The following GANAB variants were observed in gnomAD, a reference collection of about 807,000 sequenced individuals.
GANAB encodes the protein neutral alpha-glucosidase AB.
Under a neutral mutation model 129.9 loss-of-function variants are expected in GANAB, and 35 were observed. The ratio of observed to expected loss-of-function variants is 0.27; its 90% CI spans 0.21 to 0.36. GANAB has a LOEUF of 0.36. Among genes scored for constraint, GANAB ranks in the 10% least tolerant of loss-of-function variants. GANAB has a pLI of 1.00. For missense variants in GANAB, 939 were observed against 1,221.0 expected, an observed-to-expected ratio of 0.77 and a Z score of 3.44; for synonymous variants, 482 against 451.8, an observed-to-expected ratio of 1.07 and a Z score of -0.85.
rs1943600832 is a variant in GANAB at position 62,630,221 on chromosome 11, G to A, written c.1569C>T (p.Asn523=). 3 of 1,612,804 alleles carry A rather than the reference G, an allele frequency of 1.9e-6. No homozygotes were observed. The South Asian group carries it at 3.3e-5, about 18-fold the overall frequency. ...CCTCATAATTGTCATAGCTGAACAT[G>A]TTAGCCCACCAGGCCCTCATCGTGG... The part of the protein sequence containing the change: ...TNPTMRAWWA[N]MFSYDNYEGS... Residue 523 remains asparagine (N), a synonymous_variant, in exon 13 of 24, where the codon AAC becomes AAT. Coordinates refer to ENST00000356638, the MANE Select transcript of GANAB (RefSeq NM_198334.3).
At chr11:62,638,205 G>A (rs1256201050) in intron 4 of GANAB, among the ~76,000 whole-genome samples, 2 of 152,182 alleles carry the variant, frequency 1.3e-5, no homozygotes, top group African/African-American at 4.8e-5. Context: ...CCAGGCTGTA[G>A]TGCAGTGACA....
rs992532155 is a variant in GANAB, at chr11:62,632,940, ATCT to A, written c.815+62_815+64del. On this transcript the variant is annotated intron_variant, in intron 8 of 23. Transcript: ENST00000356638. ...CCTAGAGTATCCAATATGCACACCCATCTCCCTAAAGGCCTGACTCCTTCCTGC... is the reference window on the plus strand; with the variant it reads ...CCTAGAGTATCCAATATGCACACCCACCCTAAAGGCCTGACTCCTTCCTGC... The A allele has an allele frequency of 1.3e-5, 13 of 1,039,932 alleles. No individual in the cohort carries two copies. In the African/African-American group the frequency reaches 2.0e-4, roughly 16 times the overall value. The allele number at this position is 1,039,932 out of a possible 1,614,324, so 64.4% of individuals were successfully genotyped here.
rs915826730 is a variant in GANAB, at chr11:62,634,823, G to A, written c.558C>T (p.Val186=). The change falls in exon 5 of 24, where the codon GTC becomes GTT. Residue 186 remains valine, a splice_region_variant and synonymous_variant. Transcript: ENST00000356638. ...GCAGTCCCAACCCCTGTACTCACGA[G>A]ACCCTAGGGGCCCTCTGATGCTCAA... ...LEFEHQRAPR[V]SQGSKDPAEG... is the part of the protein sequence containing the mutation. 2 of 1,612,590 alleles carry A rather than the reference G, an allele frequency of 1.2e-6. No individual in the cohort carries two copies. The highest frequency in any genetic ancestry group is 2.7e-5 in the African/African-American group (2 of 74,852).
chr11:62,639,566 G>T, intron 2 of GANAB, 61 bp downstream of exon 2: 4 of 1,450,640 alleles, frequency 2.8e-6, no homozygotes, highest in South Asian at 2.3e-5. Context: ...ATCTGCCACA[G>T]ATATCTCCCA....
At position 62,629,235 on chromosome 11, in the gene GANAB, A is replaced by T; in HGVS notation, c.1895T>A (p.Met632Lys). Residue 632 changes from methionine (M) to lysine (K), a missense_variant, in exon 16 of 24, where the codon ATG (methionine) becomes AAG (lysine). Physicochemically the swap from Met to Lys is moderately conservative, Grantham distance 95 (BLOSUM62 -1). Around this residue, in one of 5 missense-constraint regions of GANAB, gnomAD observed 147 missense variants for 282.4 expected, o/e 0.52. Transcript: ENST00000356638. ...TCCCACCAGCCCCAAGCTGAGACAC[A>T]TAGGAATAGAGATCTTCAAATGGTC... Reference protein sequence around the residue: ...EWDHLKISIPMCLSLGLVGLS... With the variant: ...EWDHLKISIPKCLSLGLVGLS... 1 of 1,613,498 alleles carries T rather than the reference A, an allele frequency of 6.2e-7. No homozygotes were observed. Among genetic ancestry groups the T allele is most frequent in the Non-Finnish European group, 8.5e-7 (1 of 1,179,494 alleles).
rs921091711 is a variant in GANAB, at chr11:62,634,833, G to A, written c.548C>T (p.Ala183Val). 1.4e-5 allele frequency: 23 copies of A among 1,613,424 alleles called. No homozygotes were observed. In the Admixed American group the frequency reaches 2.7e-4, roughly 19 times the overall value. Residue 183 changes from alanine (A) to valine (V), a missense_variant, in exon 5 of 24, where the codon GCC (alanine) becomes GTC (valine). Ala to Val is a moderately conservative substitution (Grantham distance 64). This residue lies in a region of GANAB where 321 missense variants were observed against 329.1 expected (regional missense o/e 0.98). Transcript: ENST00000356638. ...CCCCTGTACTCACGAGACCCTAGGG[G>A]CCCTCTGATGCTCAAACTCCAAGAG... ...RGLLEFEHQR[A>V]PRVSQGSKDP...
At position 62,629,973 on chromosome 11, in the gene GANAB, G is replaced by A; in HGVS notation, c.1594-16C>T. On this transcript the variant is annotated splice_polypyrimidine_tract_variant and intron_variant, in intron 13 of 23. Transcript: ENST00000356638. ...GAGCTGAGCCCTGGGAACGTGGGCA[G>A]AAAATGGGGACAGAAGGACAGAGGG... is the stretch of plus-strand genomic sequence containing the variant. The A allele has an allele frequency of 6.2e-7, 1 of 1,613,154 alleles. No individual in the cohort carries two copies. The highest frequency in any genetic ancestry group is 1.3e-5 in the African/African-American group (1 of 75,032).
rs778458461 is a variant in GANAB at position 62,627,066 on chromosome 11, A to G, written c.2304T>C (p.Tyr768=). 1.9e-5 allele frequency: 31 copies of G among 1,613,894 alleles called. No homozygotes were observed. Among genetic ancestry groups the G allele is most frequent in the Non-Finnish European group, 2.4e-5 (28 of 1,179,790 alleles). ...AACTCACCTCCCCTTGGCCAGGCAG[A>G]TAGACCTGGACACCATGGGCTCCAG... ...SDSGAHGVQV[Y]LPGQGEVWYD... Residue 768 remains tyrosine (Y), a synonymous_variant, in exon 19 of 24, where the codon TAT becomes TAC. Coordinates refer to ENST00000356638, the MANE Select transcript of GANAB (RefSeq NM_198334.3).
chr11:62,634,476 A>G, intron 5 of GANAB: 3 of 777,530 alleles, frequency 3.9e-6, no homozygotes, highest in Non-Finnish European at 6.8e-6. Flanking sequence ...ACTTCCAGAG[A>G]TGGGGGGAAA....
chr11:62,630,362 A>G lies in GANAB; in HGVS notation c.1513+17T>C, dbSNP rs751229302. The G allele has an allele frequency of 5.0e-6, 8 of 1,614,144 alleles. No homozygotes were observed. The highest frequency in any genetic ancestry group is 1.6e-4 in the Middle Eastern group (1 of 6,062). On this transcript the variant is annotated intron_variant, in intron 12 of 23. Coordinates refer to ENST00000356638, the MANE Select transcript of GANAB (RefSeq NM_198334.3). The stretch of plus-strand genomic sequence containing the variant: ...CCGCTGGCCAATCAACTCTCCCTCA[A>G]TTCTGGGTCTGCTTACCTGGCCAGC...
At chr11:62,632,439 C>T in intron 9 of GANAB, 126 bp downstream of exon 9, 1 of 714,866 alleles carries the variant, frequency 1.4e-6, no homozygotes, top group Non-Finnish European at 2.4e-6. Context: ...AACTCAAATG[C>T]TGCCCACCAG....
intron 4 of GANAB, 120 bp downstream of exon 4, chr11:62,638,863 C>G: frequency 2.3e-6 from 2 of 884,748 alleles, no homozygotes; most frequent in Non-Finnish European, 3.6e-6. Flanking sequence ...AGGAGTATGG[C>G]AAGGTGCTAT....
chr11:62,642,126 T>C (rs918606272), intron 1 of GANAB, among the ~76,000 whole-genome samples: 14 of 152,044 alleles, frequency 9.2e-5, no homozygotes, highest in Admixed American at 3.9e-4. Flanking sequence ...GCAGGAGAAC[T>C]GCTTGAACCA....
chr11:62,635,387 T>C (rs1943899451), intron 4 of GANAB, among the ~76,000 whole-genome samples: 1 of 151,910 alleles, frequency 6.6e-6, no homozygotes, highest in African/African-American at 2.4e-5. Flanking sequence ...TTCTTCATGT[T>C]GAGGCTGGTC....
chr11:62,626,319 G>A lies in GANAB; in HGVS notation c.2624+16C>T, dbSNP rs763103082. The A allele has an allele frequency of 4.0e-5, 61 of 1,542,012 alleles. No individual in the cohort carries two copies. The highest frequency in any genetic ancestry group is 5.4e-5 in the Non-Finnish European group (60 of 1,114,342). Reference sequence around the variant, plus strand: ...CCCCAGCAAAGGCAGCCAAGGAAGAGTGGGTGACCCATTACCTGGAGACAA... The same window carrying A: ...CCCCAGCAAAGGCAGCCAAGGAAGAATGGGTGACCCATTACCTGGAGACAA... On this transcript the variant is annotated intron_variant, in intron 22 of 23. Transcript: ENST00000356638.
intron 17 of GANAB, among the ~76,000 whole-genome samples, chr11:62,628,080 T>TA (rs1033325573): frequency 1.3e-5 from 2 of 152,126 alleles, no homozygotes; most frequent in Non-Finnish European, 2.9e-5. Context: ...TCCTAGTACA[T>TA]AACAAACTAA....
In GANAB at chr11:62,634,810, C is replaced by T. The variant is rs1351636286; in HGVS notation, c.560+11G>A. 1.2e-6 allele frequency: 2 copies of T among 1,609,806 alleles called. No individual in the cohort carries two copies. The highest frequency in any genetic ancestry group is 1.7e-5 in the Admixed American group (1 of 59,962). On this transcript the variant is annotated intron_variant, in intron 5 of 23. Transcript: ENST00000356638. ...CACTAGGTTCCCTGCAGTCCCAACC[C>T]CTGTACTCACGAGACCCTAGGGGCC...
intron 10 of GANAB, 37 bp downstream of exon 10, chr11:62,630,993 A>G: frequency 2.5e-6 from 4 of 1,580,764 alleles, no homozygotes; most frequent in Non-Finnish European, 3.5e-6. Context: ...ACCCGACAAG[A>G]AAAGAGCAGA....
At chr11:62,637,120 G>A (rs983028772) in intron 4 of GANAB, among the ~76,000 whole-genome samples, 1 of 152,030 alleles carries the variant, frequency 6.6e-6, no homozygotes, top group Admixed American at 6.5e-5. Flanking sequence ...TCAGTCTAGA[G>A]GGCCCTAAGG....
Sources: allele counts gnomAD v4.1 joint callset (sites outside exome capture counted in the v4.1 genomes callset), GRCh38; gene constraint gnomAD v4.1.1; regional missense constraint gnomAD v4.1.1; transcripts MANE v1.5; gene names NCBI Gene and HGNC (gene_info 2026-07-23, HGNC 2026-07-21).